Variants in FIRRM observed in about 807,000 individuals in gnomAD.
The protein encoded by FIRRM is FIGNL1 interacting regulator of recombination and mitosis.
At chr1:169,803,293 C>T in the FIRRM span, 7 of 1,613,754 alleles carry the variant, frequency 4.3e-6, no homozygotes, top group East Asian at 6.7e-5. Flanking sequence ...ATTAAAAGCA[C>T]ATTTGTGCAT....
chr1:169,821,720 G>C, the FIRRM span: 1 of 1,611,820 alleles, frequency 6.2e-7, no homozygotes, highest in Middle Eastern at 1.7e-4. Context: ...CACTCAAATT[G>C]TGTCGTTTTT....
the FIRRM span, among the ~76,000 whole-genome samples, chr1:169,797,231 G>C: frequency 6.9e-3 from 1,050 of 152,250 alleles, 11 homozygotes; most frequent in Non-Finnish European, 0.011. Context: ...CTTAATGGTA[G>C]TATTTTAGCT....
the FIRRM span, among the ~76,000 whole-genome samples, chr1:169,785,394 T>A: frequency 6.6e-6 from 1 of 152,214 alleles, no homozygotes; most frequent in African/African-American, 2.4e-5. Flanking sequence ...ACCCAGGTCC[T>A]TGTCTGGCAT....
At chr1:169,808,735 G>C in the FIRRM span, among the ~76,000 whole-genome samples, 1 of 151,728 alleles carries the variant, frequency 6.6e-6, no homozygotes, top group Non-Finnish European at 1.5e-5. Flanking sequence ...CTCCTGAGTA[G>C]CTGGGATTAT....
chr1:169,842,493 T>C, the FIRRM span: 1 of 1,613,998 alleles, frequency 6.2e-7, no homozygotes, highest in Non-Finnish European at 8.5e-7. Flanking sequence ...CAAACTGCAA[T>C]TATCGAAGTT....
the FIRRM span, among the ~76,000 whole-genome samples, chr1:169,811,765 C>T: frequency 3.3e-5 from 4 of 122,742 alleles, no homozygotes; most frequent in African/African-American, 1.1e-4. Flanking sequence ...AGATAATAGA[C>T]AGATTATCTA....
the FIRRM span, among the ~76,000 whole-genome samples, chr1:169,828,175 A>T: frequency 6.6e-6 from 1 of 152,224 alleles, no homozygotes; most frequent in African/African-American, 2.4e-5. Context: ...ACTGTAAGGT[A>T]TATCCTGGCA....
chr1:169,838,578 C>T, the FIRRM span, among the ~76,000 whole-genome samples: 1 of 152,138 alleles, frequency 6.6e-6, no homozygotes, highest in African/African-American at 2.4e-5. Context: ...CAACCTCTGC[C>T]TCCTGGGCTT....
chr1:169,827,445 C>T, the FIRRM span, among the ~76,000 whole-genome samples: 2 of 152,146 alleles, frequency 1.3e-5, no homozygotes, highest in Non-Finnish European at 2.9e-5. Flanking sequence ...CAAGACCAGC[C>T]TGACCAATAT....
At chr1:169,853,456 C>T in the FIRRM span, 1 of 457,706 alleles carries the variant, frequency 2.2e-6, no homozygotes, top group Non-Finnish European at 3.8e-6. Context: ...ACTTGCTCTT[C>T]ATAGAAACTG....
chr1:169,843,714 T>C, the FIRRM span: 1 of 1,613,346 alleles, frequency 6.2e-7, no homozygotes, highest in South Asian at 1.1e-5. Flanking sequence ...TTCAGCCTTT[T>C]ACTTCCACTG....
At chr1:169,797,442 T>C in the FIRRM span, among the ~76,000 whole-genome samples, 1 of 152,262 alleles carries the variant, frequency 6.6e-6, no homozygotes, top group Non-Finnish European at 1.5e-5. Context: ...TCTACCCTAC[T>C]GAACTCAAAT....
the FIRRM span, among the ~76,000 whole-genome samples, chr1:169,801,342 G>A: frequency 6.7e-6 from 1 of 149,092 alleles, no homozygotes; most frequent in East Asian, 2.0e-4. Flanking sequence ...CTACTTGGGA[G>A]ACTGAGACAG....
the FIRRM span, chr1:169,843,752 C>T: frequency 6.2e-7 from 1 of 1,601,704 alleles, no homozygotes; most frequent in Non-Finnish European, 8.6e-7. Context: ...AACTCTAGAT[C>T]CTAAACTGAT....
chr1:169,850,329 T>C, the FIRRM span: 2 of 1,607,942 alleles, frequency 1.2e-6, no homozygotes, highest in Middle Eastern at 1.7e-4. Flanking sequence ...AACAAAGTTG[T>C]ATCCTTTCTG....
At chr1:169,838,715 C>T in the FIRRM span, among the ~76,000 whole-genome samples, 1 of 152,258 alleles carries the variant, frequency 6.6e-6, no homozygotes, top group African/African-American at 2.4e-5. Flanking sequence ...GTCTCGAACT[C>T]CTGACCTCAG....
chr1:169,797,282 A>G, the FIRRM span, among the ~76,000 whole-genome samples: 1 of 152,208 alleles, frequency 6.6e-6, no homozygotes, highest in African/African-American at 2.4e-5. Flanking sequence ...TAAATCTACA[A>G]TGCCATTACC....
the FIRRM span, chr1:169,793,201 G>A: frequency 1.9e-6 from 3 of 1,614,008 alleles, no homozygotes; most frequent in Non-Finnish European, 1.7e-6. Context: ...AGATTTTTAA[G>A]CCTCCCTCAT....
At chr1:169,806,374 A>G in the FIRRM span, among the ~76,000 whole-genome samples, 1 of 152,264 alleles carries the variant, frequency 6.6e-6, no homozygotes, top group Admixed American at 6.5e-5. Flanking sequence ...TTCTTCTGCT[A>G]CTGTTGTTTA....
Sources: gnomAD v4.1 joint callset for allele counts (sites outside exome capture counted in the v4.1 genomes callset) on GRCh38, gnomAD v4.1.1 for gene constraint, MANE v1.5 for transcripts, NCBI Gene and HGNC (gene_info 2026-07-23, HGNC 2026-07-21) for gene names.